The following ZNF337 variants were observed in gnomAD, a reference collection of about 807,000 sequenced individuals.
ZNF337 encodes zinc finger protein 337.
A neutral mutation model predicts 12.1 loss-of-function variants in ZNF337; 8 were observed. That is an observed-to-expected ratio of 0.66 (90% CI 0.39 to 1.19). The LOEUF is 1.19. Among genes scored for constraint, ZNF337 ranks in the 50% most tolerant of loss-of-function variants. ZNF337 has a pLI of 0.01. For synonymous variants in ZNF337, 336 were observed against 320.0 expected (o/e 1.05, Z -0.53); for missense variants, 882 against 896.6 (o/e 0.98, Z 0.21).
intron 1 of ZNF337, among the ~76,000 whole-genome samples, chr20:25,696,545 G>T (rs1449635596): frequency 6.6e-6 from 1 of 152,196 alleles, no homozygotes; most frequent in African/African-American, 2.4e-5. Flanking sequence ...ACTGAGTGGC[G>T]GCCCAGACCC....
chr20:25,676,072 A>T lies in ZNF337; in HGVS notation c.1216T>A (p.Cys406Ser). The change falls in exon 5 of 5, where the codon TGC becomes AGC. Residue 406 changes from cysteine (C) to serine (S), a missense_variant. Coordinates refer to ENST00000252979, the MANE Select transcript of ZNF337 (RefSeq NM_015655.4). ...CTAAAGCTTCGCTCACAATCCTTGCACACAAAAGGCTTCTCCCCTGAGTGT... is the reference window on the plus strand; with the variant it reads ...CTAAAGCTTCGCTCACAATCCTTGCTCACAAAAGGCTTCTCCCCTGAGTGT... ...RTHSGEKPFV[C>S]KDCERSFSQK... 3 of 1,614,150 alleles carry T rather than the reference A, an allele frequency of 1.9e-6. No individual in the cohort carries two copies. Among genetic ancestry groups the T allele is most frequent in the Non-Finnish European group, 2.5e-6 (3 of 1,180,012 alleles).
chr20:25,684,937 G>A (rs1202598175), intron 4 of ZNF337, among the ~76,000 whole-genome samples: 2 of 151,508 alleles, frequency 1.3e-5, no homozygotes, highest in Non-Finnish European at 2.9e-5. Flanking sequence ...GAAAACACAT[G>A]GACACAGGGA....
chr20:25,695,632 C>T (rs932118762), intron 1 of ZNF337, among the ~76,000 whole-genome samples: 6 of 152,332 alleles, frequency 3.9e-5, no homozygotes, highest in African/African-American at 1.4e-4. Context: ...CTGGTTACAG[C>T]CTCCACCTCC....
At chr20:25,680,121 G>A (rs1010991728) in intron 4 of ZNF337, among the ~76,000 whole-genome samples, 1 of 152,116 alleles carries the variant, frequency 6.6e-6, no homozygotes, top group Non-Finnish European at 1.5e-5. Context: ...CTCATATGTG[G>A]GAGCAGAGGC....
intron 1 of ZNF337, among the ~76,000 whole-genome samples, chr20:25,687,356 A>G (rs1186492059): frequency 6.6e-6 from 1 of 152,224 alleles, no homozygotes; most frequent in Non-Finnish European, 1.5e-5. Context: ...AAATACAGGA[A>G]AAGAACTGTA....
chr20:25,680,233 G>GT (rs2122383710), intron 4 of ZNF337, among the ~76,000 whole-genome samples: 1 of 152,172 alleles, frequency 6.6e-6, no homozygotes, highest in Non-Finnish European at 1.5e-5. Context: ...CGTGACTATA[G>GT]TTTAACTGTA....
intron 4 of ZNF337, among the ~76,000 whole-genome samples, chr20:25,682,552 G>C (rs1414702829): frequency 3.9e-5 from 6 of 152,126 alleles, no homozygotes; most frequent in African/African-American, 1.4e-4. Flanking sequence ...TTATATATTG[G>C]CCAAGCATGG....
intron 1 of ZNF337, among the ~76,000 whole-genome samples, chr20:25,688,093 T>A (rs180927578): frequency 6.6e-6 from 1 of 152,264 alleles, no homozygotes; most frequent in Non-Finnish European, 1.5e-5. Flanking sequence ...TTCTATATAC[T>A]TACATAAATA....
chr20:25,692,192 T>G (rs2122469657), intron 1 of ZNF337, among the ~76,000 whole-genome samples: 1 of 152,356 alleles, frequency 6.6e-6, no homozygotes, highest in Middle Eastern at 3.4e-3. Context: ...TCTCTCATGC[T>G]TCCCATCTTA....
At chr20:25,688,077 AT>A (rs1309063869) in intron 1 of ZNF337, among the ~76,000 whole-genome samples, 1 of 152,190 alleles carries the variant, frequency 6.6e-6, no homozygotes, top group Non-Finnish European at 1.5e-5. Context: ...CATTTTTGTT[AT>A]TTCTTTCTAT....
At chr20:25,685,845 G>A (rs1242863235) in intron 3 of ZNF337, 151 bp downstream of exon 3, 6 of 1,283,112 alleles carry the variant, frequency 4.7e-6, no homozygotes, top group Non-Finnish European at 5.4e-6. Flanking sequence ...AGGCCTGCAG[G>A]TGCCCAGTGG....
At chr20:25,681,641 G>C (rs6107064) in intron 4 of ZNF337, among the ~76,000 whole-genome samples, 12,275 of 152,144 alleles carry the variant, frequency 0.081, 722 homozygotes, top group South Asian at 0.19. Flanking sequence ...TGGTGGACGT[G>C]GGGGCAGGAA....
Position 25,674,675 on chromosome 20 carries a change from G to T in ZNF337, c.*357C>A. 1 of 244,896 alleles carries T rather than the reference G, an allele frequency of 4.1e-6. No homozygotes were observed. 15.2% of individuals were successfully genotyped at this position (244,896 alleles called of 1,614,324 possible). A position where few individuals can be genotyped will look rare whatever the true frequency, so the allele number is the denominator to read the frequency against. ...GCAGTCCAAGGAGGTTGGGGAGAGTGTAACAGGCCTGCCTTGGTATCCCTG... is the reference window on the plus strand; with the variant it reads ...GCAGTCCAAGGAGGTTGGGGAGAGTTTAACAGGCCTGCCTTGGTATCCCTG... On this transcript the variant is annotated 3_prime_UTR_variant, in exon 5 of 5. Coordinates refer to ENST00000252979, the MANE Select transcript of ZNF337 (RefSeq NM_015655.4).
intron 1 of ZNF337, among the ~76,000 whole-genome samples, chr20:25,690,356 G>C (rs943294391): frequency 6.6e-6 from 1 of 152,192 alleles, no homozygotes; most frequent in African/African-American, 2.4e-5. Context: ...GTTCTATCCT[G>C]TCCAAGTGTT....
At position 25,674,996 on chromosome 20, in the gene ZNF337, CTGAG is replaced by C; in HGVS notation, c.*32_*35del. On this transcript the variant is annotated 3_prime_UTR_variant, in exon 5 of 5. Coordinates refer to ENST00000252979, the MANE Select transcript of ZNF337 (RefSeq NM_015655.4). ...CTTGTAACAAAGCAAAGTTACTCTC[CTGAG>C]TGTGTCCTCTGATGGATGGTGAGAT... 6.3e-7 allele frequency: 1 copy of C among 1,580,996 alleles called. No homozygotes were observed. The highest frequency in any genetic ancestry group is 8.6e-7 in the Non-Finnish European group (1 of 1,159,394).
rs1343249210 is a variant in ZNF337 at position 25,676,489 on chromosome 20, T to C, written c.799A>G (p.Lys267Glu). 6.2e-7 allele frequency: 1 copy of C among 1,613,386 alleles called. No homozygotes were observed. The highest frequency in any genetic ancestry group is 1.7e-5 in the Admixed American group (1 of 59,956). The change falls in exon 5 of 5, where the codon AAG becomes GAG. Residue 267 changes from lysine (K) to glutamate (E), a missense_variant. By Grantham distance (56) the Lys-to-Glu change is moderately conservative. Coordinates refer to ENST00000252979, the MANE Select transcript of ZNF337 (RefSeq NM_015655.4). ...THSGEKPFLC[K>E]VCGRGYTSKS... ...CTGGTATAGCCTCGTCCACACACCTTGCACAGAAAAGGCTTCTCTCCTGAG... is the reference window on the plus strand; with the variant it reads ...CTGGTATAGCCTCGTCCACACACCTCGCACAGAAAAGGCTTCTCTCCTGAG...
intron 1 of ZNF337, among the ~76,000 whole-genome samples, chr20:25,695,177 A>G (rs1471853319): frequency 1.3e-5 from 2 of 152,208 alleles, no homozygotes; most frequent in Non-Finnish European, 2.9e-5. Context: ...AGGCTGAGGC[A>G]GGAGAACTGC....
intron 1 of ZNF337, among the ~76,000 whole-genome samples, chr20:25,694,668 T>C (rs895915759): frequency 3.3e-5 from 5 of 152,156 alleles, no homozygotes; most frequent in Non-Finnish European, 7.3e-5. Context: ...CAAATGCCTA[T>C]GTATGAGGCT....
intron 3 of ZNF337, 40 bp downstream of exon 3, chr20:25,685,956 C>A (rs200198223): frequency 6.9e-6 from 11 of 1,587,968 alleles, no homozygotes; most frequent in Non-Finnish European, 8.5e-6. Flanking sequence ...ATCAGAGGCA[C>A]CACAGGCCAA....
Sources: gnomAD v4.1 joint callset for allele counts (sites outside exome capture counted in the v4.1 genomes callset) on GRCh38, gnomAD v4.1.1 for gene constraint, MANE v1.5 for transcripts, NCBI Gene and HGNC (gene_info 2026-07-23, HGNC 2026-07-21) for gene names.